Variants in LMO7 observed in about 807,000 individuals in gnomAD.
The protein encoded by LMO7 is LIM domain 7.
In LMO7, 120 loss-of-function variants were observed where a neutral mutation model predicts 206.5. That is an observed-to-expected ratio of 0.58 (90% CI 0.50 to 0.68). The LOEUF is 0.68. Among genes scored for constraint, LMO7 ranks in the 30% least tolerant of loss-of-function variants. The pLI, the probability that LMO7 is intolerant of heterozygous loss-of-function variation, is 0.00. For synonymous variants in LMO7, 706 were observed against 681.5 expected, an observed-to-expected ratio of 1.04 and a Z score of -0.56; for missense variants, 1,959 against 1,957.9, an observed-to-expected ratio of 1.00 and a Z score of -0.01.
upstream of LMO7, among the ~76,000 whole-genome samples, chr13:75,634,142 C>T (rs910583608): frequency 6.6e-6 from 1 of 151,484 alleles, no homozygotes; most frequent in Admixed American, 6.6e-5. Flanking sequence ...TATATTGTAC[C>T]ATTTAGGGGT....
In LMO7 at chr13:75,858,495, A is replaced by C. The variant is rs796938011; in HGVS notation, c.*552A>C. On this transcript the variant is annotated 3_prime_UTR_variant, in exon 31 of 31. Coordinates refer to ENST00000377534, the MANE Select transcript of LMO7 (RefSeq NM_001306080.2). The stretch of plus-strand genomic sequence containing the variant: ...TAAAAATGCAGTTAATGTACCATTT[A>C]TTTGCTTGATGAAGGGAGCTCTATT... The C allele has an allele frequency of 5.9e-5, 9 of 152,626 alleles. No individual in the cohort carries two copies. Among genetic ancestry groups the C allele is most frequent in the African/African-American group, 2.2e-4 (9 of 41,538 alleles). 9.5% of individuals were successfully genotyped at this position (152,626 alleles called of 1,614,324 possible).
intron 1 of LMO7, among the ~76,000 whole-genome samples, chr13:75,697,625 G>A (rs1019785971): frequency 6.6e-6 from 1 of 152,152 alleles, no homozygotes; most frequent in African/African-American, 2.4e-5. Flanking sequence ...ATATCAGGCA[G>A]TGTCTTCCTT....
intron 26 of LMO7, among the ~76,000 whole-genome samples, chr13:75,845,896 A>C (rs911702768): frequency 6.6e-6 from 1 of 152,192 alleles, no homozygotes; most frequent in Non-Finnish European, 1.5e-5. Flanking sequence ...AAAAAACCCT[A>C]AGCGGTAATT....
intron 2 of LMO7, 57 bp downstream of exon 2, chr13:75,713,309 A>T: frequency 1.1e-5 from 12 of 1,102,220 alleles, no homozygotes; most frequent in East Asian, 5.6e-5. Flanking sequence ...TGTGTGTGTG[A>T]GTGATGAGGT....
intron 6 of LMO7, 86 bp from the exon 7 acceptor site, chr13:75,800,598 T>G: frequency 8.0e-7 from 1 of 1,254,966 alleles, no homozygotes; most frequent in East Asian, 2.4e-5. Context: ...CAACTTAAAT[T>G]AGGCAAACAA....
intron 29 of LMO7, among the ~76,000 whole-genome samples, chr13:75,855,934 G>GT (rs975726152): frequency 1.4e-4 from 21 of 152,208 alleles, no homozygotes; most frequent in African/African-American, 2.4e-5. Flanking sequence ...AAAGATTCTG[G>GT]TTGTTGATCC....
chr13:75,728,311 C>T lies in LMO7; in HGVS notation c.210+1213C>T, dbSNP rs1331442307. Among the ~76,000 whole-genome samples the T allele has an allele frequency of 1.1e-4, 16 of 152,270 alleles. No homozygotes were observed. In the East Asian group the frequency reaches 2.9e-3, roughly 28 times the overall value. ...TTGTTTCCTGACTTTTTAATGATTG[C>T]CATTCTAACTGGTGTGAGGTGGTAT... On this transcript the variant is annotated intron_variant, in intron 3 of 30. Coordinates refer to ENST00000377534, the MANE Select transcript of LMO7 (RefSeq NM_001306080.2).
intron 1 of LMO7, among the ~76,000 whole-genome samples, chr13:75,654,561 GGCGT>G (rs1334237534): frequency 6.6e-6 from 1 of 152,128 alleles, no homozygotes; most frequent in African/African-American, 2.4e-5. Context: ...ATGGGGCTGT[GGCGT>G]GTGGGGGGTT....
At chr13:75,846,178 C>A (rs2059983121) in intron 26 of LMO7, among the ~76,000 whole-genome samples, 1 of 152,134 alleles carries the variant, frequency 6.6e-6, no homozygotes, top group South Asian at 2.1e-4. Flanking sequence ...AACTAAAATG[C>A]CCTGTGAGCA....
intron 2 of LMO7, among the ~76,000 whole-genome samples, chr13:75,624,362 T>A (rs753863930): frequency 2.0e-5 from 3 of 152,232 alleles, no homozygotes; most frequent in Non-Finnish European, 2.9e-5. Context: ...CTAGCCTCTC[T>A]GCTGTATGTC....
chr13:75,697,969 A>T (rs1453275586), intron 1 of LMO7, among the ~76,000 whole-genome samples: 2 of 152,174 alleles, frequency 1.3e-5, no homozygotes, highest in Non-Finnish European at 1.5e-5. Context: ...AATGTAATTA[A>T]CTCTCAACAG....
chr13:75,746,749 C>A (rs1161913521), intron 3 of LMO7, among the ~76,000 whole-genome samples: 1 of 152,030 alleles, frequency 6.6e-6, no homozygotes, highest in African/African-American at 2.4e-5. Flanking sequence ...TACCAGTTTT[C>A]TCCCTTCAGG....
chr13:75,676,934 C>G (rs1025949195), intron 1 of LMO7, among the ~76,000 whole-genome samples: 1 of 152,096 alleles, frequency 6.6e-6, no homozygotes, highest in African/African-American at 2.4e-5. Context: ...TAATTGAAAG[C>G]TTTTAATATA....
chr13:75,840,918 T>C (rs985169239), intron 22 of LMO7, among the ~76,000 whole-genome samples, 191 bp from the exon 23 acceptor site: 1 of 152,190 alleles, frequency 6.6e-6, no homozygotes, highest in South Asian at 2.1e-4. Flanking sequence ...TTTACCCCAG[T>C]GCCTGCAGTT....
intron 1 of LMO7, among the ~76,000 whole-genome samples, chr13:75,672,240 ATTT>A (rs568135884): frequency 2.7e-4 from 36 of 131,558 alleles, no homozygotes; most frequent in Non-Finnish European, 3.4e-4. Context: ...TTAAAAAAAG[ATTT>A]TTTTTTTTTT....
intron 1 of LMO7, among the ~76,000 whole-genome samples, chr13:75,657,499 C>T (rs2038170865): frequency 6.6e-6 from 1 of 152,086 alleles, no homozygotes. Flanking sequence ...AGTTATGAAA[C>T]TCCTGAACTA....
intron 24 of LMO7, among the ~76,000 whole-genome samples, chr13:75,842,502 G>A (rs9530470): frequency 0.59 from 90,250 of 151,774 alleles, 27,287 homozygotes; most frequent in Middle Eastern, 0.66. Context: ...ATTTTATATT[G>A]TGCATTTATT....
intron 3 of LMO7, chr13:75,760,539 A>G (rs1002008743): frequency 3.1e-6 from 4 of 1,289,132 alleles, no homozygotes; most frequent in Non-Finnish European, 3.9e-6. Context: ...CAGTAGCTGG[A>G]GTTATTTTTA....
Position 75,805,495 on chromosome 13 carries a change from T to G in LMO7, c.931T>G (p.Trp311Gly). 1.9e-6 allele frequency: 3 copies of G among 1,613,880 alleles called. No individual in the cohort carries two copies. The highest frequency in any genetic ancestry group is 2.5e-6 in the Non-Finnish European group (3 of 1,179,786). ...TTTGAACAGTAATCAGAGGAGGATTTGGGGCACCAATGTGGAGAACTGGCC... is the reference window on the plus strand; with the variant it reads ...TTTGAACAGTAATCAGAGGAGGATTGGGGGCACCAATGTGGAGAACTGGCC... ...GTFSSNQRRI[W>G]GTNVENWPTV... The change falls in exon 9 of 31, where the codon TGG (tryptophan) becomes GGG (glycine). Residue 311 changes from tryptophan (W) to glycine (G), a missense_variant. By Grantham distance (184) the Trp-to-Gly change is radical. Coordinates refer to ENST00000377534, the MANE Select transcript of LMO7 (RefSeq NM_001306080.2).
Sources: allele counts gnomAD v4.1 joint callset (sites outside exome capture counted in the v4.1 genomes callset), GRCh38; gene constraint gnomAD v4.1.1; transcripts MANE v1.5; gene names NCBI Gene and HGNC (gene_info 2026-07-23, HGNC 2026-07-21).